Variants in DENND1A observed in about 807,000 individuals in gnomAD.
DENND1A encodes DENN domain-containing protein 1A.
Under a neutral mutation model 113.7 loss-of-function variants are expected in DENND1A, and 51 were observed. That is an observed-to-expected ratio of 0.45 (90% CI 0.36 to 0.57). DENND1A has a LOEUF of 0.57. Ranked by LOEUF, DENND1A falls within the 20% of genes least tolerant of loss-of-function variation. The pLI is 0.00. For synonymous variants in DENND1A, 565 were observed against 570.8 expected (o/e 0.99, Z 0.14); for missense variants, 1,258 against 1,395.9 (o/e 0.90, Z 1.57).
At chr9:123,680,950 G>T (rs2064407649) in intron 5 of DENND1A, among the ~76,000 whole-genome samples, 2 of 152,170 alleles carry the variant, frequency 1.3e-5, no homozygotes, top group South Asian at 2.1e-4. Flanking sequence ...TCAGACTCAG[G>T]TGAGGGGAGG....
intron 10 of DENND1A, among the ~76,000 whole-genome samples, chr9:123,622,632 G>A (rs1564834318): frequency 6.6e-6 from 1 of 152,142 alleles, no homozygotes; most frequent in Non-Finnish European, 1.5e-5. Flanking sequence ...AATATCAGAT[G>A]GCCTTGGATT....
At chr9:123,447,519 G>C (rs539977207) in intron 18 of DENND1A, among the ~76,000 whole-genome samples, 1 of 152,084 alleles carries the variant, frequency 6.6e-6, no homozygotes, top group African/African-American at 2.4e-5. Context: ...TCCACAGGTC[G>C]GCCCCACATT....
intron 1 of DENND1A, among the ~76,000 whole-genome samples, chr9:123,919,869 G>C (rs1009491423): frequency 3.7e-5 from 5 of 134,684 alleles, no homozygotes; most frequent in African/African-American, 1.5e-4. Flanking sequence ...GTGACAGAGT[G>C]AGACTCTGTC....
intron 13 of DENND1A, among the ~76,000 whole-genome samples, chr9:123,473,111 G>A (rs776269035): frequency 5.9e-5 from 9 of 152,016 alleles, no homozygotes; most frequent in Non-Finnish European, 7.4e-5. Flanking sequence ...TGTCTGACTC[G>A]CCTCTGCACC....
chr9:123,688,225 C>T (rs79068514), intron 5 of DENND1A, among the ~76,000 whole-genome samples: 2,614 of 152,230 alleles, frequency 0.017, 63 homozygotes, highest in African/African-American at 0.058. Flanking sequence ...AGATGAGGGT[C>T]GAATCCAGTT....
chr9:123,653,438 C>A (rs143799310), intron 8 of DENND1A, among the ~76,000 whole-genome samples: 49 of 152,310 alleles, frequency 3.2e-4, no homozygotes, highest in Middle Eastern at 3.4e-3. Context: ...ATGGCCTATA[C>A]GCTTTCCCGT....
rs1336714579 is a variant in DENND1A, at chr9:123,457,417, C to G, written c.1117G>C (p.Asp373His). The G allele has an allele frequency of 6.2e-7, 1 of 1,613,796 alleles. No individual in the cohort carries two copies. The highest frequency in any genetic ancestry group is 8.5e-7 in the Non-Finnish European group (1 of 1,179,746). ...AAACCTTCGCCGGAATTGAGAAGATCTAATCGACCATCAATAAACTATAGA... is the reference window on the plus strand; with the variant it reads ...AAACCTTCGCCGGAATTGAGAAGATGTAATCGACCATCAATAAACTATAGA... Reference protein sequence around the residue: ...LFKQFIDGRLDLLNSGEGFSD... With the variant: ...LFKQFIDGRLHLLNSGEGFSD... The change falls in exon 15 of 24, where the codon GAT (aspartate) becomes CAT (histidine). Residue 373 changes from aspartate to histidine, a missense_variant. Transcript: ENST00000394215.
At chr9:123,394,157 ATTTTT>A in intron 21 of DENND1A, among the ~76,000 whole-genome samples, 1 of 151,614 alleles carries the variant, frequency 6.6e-6, no homozygotes, top group African/African-American at 2.4e-5. Context: ...ATGCCTGGCT[ATTTTT>A]TTTATTTTTT....
At chr9:123,809,620 T>A (rs1836196429) in intron 2 of DENND1A, among the ~76,000 whole-genome samples, 1 of 152,180 alleles carries the variant, frequency 6.6e-6, no homozygotes, top group South Asian at 2.1e-4. Context: ...AAGAAAACAA[T>A]TATTAAAGAT....
chr9:123,436,806 G>A (rs1256258014), intron 19 of DENND1A, among the ~76,000 whole-genome samples: 5 of 151,478 alleles, frequency 3.3e-5, no homozygotes, highest in Non-Finnish European at 7.4e-5. Flanking sequence ...GGAGTGCAGT[G>A]GTGCGATCTC....
At chr9:123,634,919 A>G (rs956276056) in intron 9 of DENND1A, among the ~76,000 whole-genome samples, 12 of 152,240 alleles carry the variant, frequency 7.9e-5, no homozygotes, top group African/African-American at 2.9e-4. Context: ...GATGCACTTT[A>G]GCAAATTCTG....
At chr9:123,406,261 G>A (rs1372999979) in intron 20 of DENND1A, among the ~76,000 whole-genome samples, 5 of 152,326 alleles carry the variant, frequency 3.3e-5, no homozygotes, top group Non-Finnish European at 7.4e-5. Context: ...GGCATATCAG[G>A]GATGTGGTAA....
chr9:123,540,026 T>G (rs563610632), intron 13 of DENND1A, among the ~76,000 whole-genome samples: 17 of 152,352 alleles, frequency 1.1e-4, no homozygotes, highest in Admixed American at 7.2e-4. Flanking sequence ...CCAACACTTC[T>G]TTGTAAACAG....
chr9:123,557,478 A>C (rs2057485152), intron 13 of DENND1A, 92 bp downstream of exon 13: 3 of 1,541,912 alleles, frequency 1.9e-6, no homozygotes, highest in Non-Finnish European at 2.6e-6. Flanking sequence ...GAATCTGGAA[A>C]CCAGAAGAAT....
intron 13 of DENND1A, among the ~76,000 whole-genome samples, chr9:123,481,820 G>C (rs893241781): frequency 1.4e-5 from 2 of 142,356 alleles, no homozygotes; most frequent in East Asian, 4.1e-4. Context: ...TTTTGAGACA[G>C]AGACTTGCTC....
At chr9:123,650,264 T>TA (rs2062571830) in intron 9 of DENND1A, among the ~76,000 whole-genome samples, 1 of 151,772 alleles carries the variant, frequency 6.6e-6, no homozygotes. Flanking sequence ...ACTAGGCAAT[T>TA]AAAAAAAACT....
chr9:123,588,044 G>A (rs1053415207), intron 11 of DENND1A, among the ~76,000 whole-genome samples: 10 of 152,076 alleles, frequency 6.6e-5, no homozygotes, highest in Non-Finnish European at 1.0e-4. Context: ...TTGGGAGGCC[G>A]AAGTGAGCAG....
chr9:123,609,621 A>C lies in DENND1A; in HGVS notation c.720-140T>G, dbSNP rs533738680. The C allele has an allele frequency of 4.5e-5, 45 of 990,070 alleles. No homozygotes were observed. The African/African-American group carries it at 7.1e-4, about 16-fold the overall frequency. The allele number at this position is 990,070 out of a possible 1,614,324, so 61.3% of individuals were successfully genotyped here. A position where few individuals can be genotyped will look rare whatever the true frequency, so the allele number is the denominator to read the frequency against. On this transcript the variant is annotated intron_variant, in intron 10 of 23. Transcript: ENST00000394215. ...CATTTCCTTTCACAACAAAAATCCT[A>C]ATATGACATTTTGTTCCCAAGCCTA...
At chr9:123,476,485 C>A (rs1431813356) in intron 13 of DENND1A, among the ~76,000 whole-genome samples, 1 of 152,174 alleles carries the variant, frequency 6.6e-6, no homozygotes, top group Admixed American at 6.5e-5. Flanking sequence ...AGCTTCTGTA[C>A]CTGTGTTTTG....
Sources: allele counts gnomAD v4.1 joint callset (sites outside exome capture counted in the v4.1 genomes callset), GRCh38; gene constraint gnomAD v4.1.1; transcripts MANE v1.5; gene names NCBI Gene and HGNC (gene_info 2026-07-23, HGNC 2026-07-21).